The following SLC9D1 variants were observed in gnomAD, a reference collection of about 807,000 sequenced individuals.
The protein encoded by SLC9D1 is solute carrier family 9 member D1.
the SLC9D1 span, among the ~76,000 whole-genome samples, chr13:113,494,092 G>A: frequency 6.6e-6 from 1 of 152,184 alleles, no homozygotes; most frequent in African/African-American, 2.4e-5. Flanking sequence ...TTAGTAACCA[G>A]GTTTCCAGGT....
the SLC9D1 span, among the ~76,000 whole-genome samples, chr13:113,536,207 G>A: frequency 4.6e-5 from 7 of 152,102 alleles, no homozygotes; most frequent in East Asian, 3.9e-4. Context: ...GTGAAACCCC[G>A]TCTCTACCAA....
the SLC9D1 span, chr13:113,500,179 TC>T: frequency 7.5e-7 from 1 of 1,341,098 alleles, no homozygotes; most frequent in East Asian, 2.6e-5. Flanking sequence ...ATGCCTGCCT[TC>T]CCCCAATTCC....
chr13:113,535,006 G>A, the SLC9D1 span: 2 of 151,446 alleles, frequency 1.3e-5, no homozygotes, highest in East Asian at 2.0e-4. This position sits in a 1 kb window ranked among gnomAD's most constrained non-coding sequence, Gnocchi z 4.1. Flanking sequence ...TGGCGTGAAC[G>A]CGGGAGGCGG....
At chr13:113,502,966 G>A in the SLC9D1 span, among the ~76,000 whole-genome samples, 3 of 152,248 alleles carry the variant, frequency 2.0e-5, no homozygotes, top group African/African-American at 4.8e-5. Flanking sequence ...AAGCCCACGT[G>A]TGGGGGCTCC....
At chr13:113,548,464 C>G in the SLC9D1 span, 10 of 1,596,514 alleles carry the variant, frequency 6.3e-6, no homozygotes, top group Non-Finnish European at 7.7e-6. Flanking sequence ...TGAGTGGCTT[C>G]CCCCCGCGGA....
At chr13:113,523,863 CT>C in the SLC9D1 span, among the ~76,000 whole-genome samples, 1 of 152,088 alleles carries the variant, frequency 6.6e-6, no homozygotes, top group Non-Finnish European at 1.5e-5. Flanking sequence ...TACTTTGATA[CT>C]TCTTTGACTC....
At chr13:113,540,135 C>G in the SLC9D1 span, among the ~76,000 whole-genome samples, 1 of 152,092 alleles carries the variant, frequency 6.6e-6, no homozygotes, top group African/African-American at 2.4e-5. Flanking sequence ...ACAGTGGGAT[C>G]CTTGGAATTC....
chr13:113,497,268 A>AT, the SLC9D1 span, among the ~76,000 whole-genome samples: 1 of 150,800 alleles, frequency 6.6e-6, no homozygotes, highest in Non-Finnish European at 1.5e-5. Flanking sequence ...GCTATGTGAG[A>AT]CCAGCTGTGT....
the SLC9D1 span, among the ~76,000 whole-genome samples, chr13:113,509,062 G>A: frequency 0.077 from 9,190 of 119,778 alleles, 402 homozygotes; most frequent in African/African-American, 0.16. Context: ...GTATGTTGGG[G>A]CTGGTGGGCT....
At chr13:113,544,770 C>A in the SLC9D1 span, among the ~76,000 whole-genome samples, 1 of 152,228 alleles carries the variant, frequency 6.6e-6, no homozygotes, top group Non-Finnish European at 1.5e-5. Context: ...ACGCATGTGG[C>A]CTCATTTTGC....
chr13:113,508,341 G>A, the SLC9D1 span, among the ~76,000 whole-genome samples: 2 of 152,220 alleles, frequency 1.3e-5, no homozygotes, highest in Non-Finnish European at 2.9e-5. Flanking sequence ...AATTAGAGCT[G>A]GCTAACACTG....
At chr13:113,542,730 A>G in the SLC9D1 span, among the ~76,000 whole-genome samples, 1 of 152,066 alleles carries the variant, frequency 6.6e-6, no homozygotes, top group Non-Finnish European at 1.5e-5. Flanking sequence ...GCAGCTGTCC[A>G]CTCAGCACAG....
At chr13:113,521,937 T>C in the SLC9D1 span, among the ~76,000 whole-genome samples, 2 of 152,232 alleles carry the variant, frequency 1.3e-5, no homozygotes, top group African/African-American at 2.4e-5. Flanking sequence ...TTGCATTTCT[T>C]ACAGCAATGA....
chr13:113,537,324 T>TTCTCCCCCCAGC, the SLC9D1 span, among the ~76,000 whole-genome samples: 1 of 152,200 alleles, frequency 6.6e-6, no homozygotes, highest in Non-Finnish European at 1.5e-5. Flanking sequence ...TGGCGCTCAG[T>TTCTCCCCCCAGC]TCTCCCCCCA....
the SLC9D1 span, chr13:113,529,858 C>G: frequency 1.3e-5 from 2 of 152,118 alleles, no homozygotes; most frequent in East Asian, 1.9e-4. Flanking sequence ...GAGTTACACA[C>G]TCAGAAATGG....
At chr13:113,506,095 T>G in the SLC9D1 span, 1 of 171,954 alleles carries the variant, frequency 5.8e-6, no homozygotes, top group Non-Finnish European at 1.2e-5. Flanking sequence ...TGTGTCATCC[T>G]TGCCGTTAAT....
the SLC9D1 span, among the ~76,000 whole-genome samples, chr13:113,543,886 G>A: frequency 1.3e-5 from 2 of 152,066 alleles, no homozygotes; most frequent in Non-Finnish European, 2.9e-5. Flanking sequence ...CTAGTTTTTG[G>A]TACTGAGTAT....
At chr13:113,533,975 A>G in the SLC9D1 span, 1 of 1,209,396 alleles carries the variant, frequency 8.3e-7, no homozygotes, top group Non-Finnish European at 1.2e-6. Flanking sequence ...AAAAAACTGA[A>G]AGATTATTTT....
chr13:113,534,164 A>C, the SLC9D1 span: 2 of 1,614,086 alleles, frequency 1.2e-6, no homozygotes, highest in Non-Finnish European at 8.5e-7. Flanking sequence ...TATTATCGGA[A>C]GCTGCACATG....
Sources: allele counts gnomAD v4.1 joint callset (sites outside exome capture counted in the v4.1 genomes callset), GRCh38; gene constraint gnomAD v4.1.1; non-coding constraint Gnocchi (gnomAD v3.1); transcripts MANE v1.5; gene names NCBI Gene and HGNC (gene_info 2026-07-23, HGNC 2026-07-21).